The following CNPY1 variants were observed in gnomAD, a reference collection of about 807,000 sequenced individuals.
CNPY1 encodes the protein protein canopy homolog 1.
Under a neutral mutation model 14.4 loss-of-function variants are expected in CNPY1, and 14 were observed. The observed-to-expected ratio is 0.97, with a 90% CI of 0.64 to 1.52. CNPY1 has a LOEUF of 1.52. Among genes scored for constraint, CNPY1 ranks in the 40% most tolerant of loss-of-function variants. CNPY1 has a pLI of 0.00. For synonymous variants in CNPY1, 43 were observed against 46.5 expected (o/e 0.92, Z 0.31); for missense variants, 129 against 131.5 (o/e 0.98, Z 0.09).
intron 2 of CNPY1, among the ~76,000 whole-genome samples, chr7:155,540,015 T>G (rs1221505707): frequency 1.3e-5 from 2 of 152,184 alleles, no homozygotes; most frequent in African/African-American, 2.4e-5. Context: ...TGAGCTGCCC[T>G]CAGAAGAACA....
chr7:155,514,356 G>A lies in CNPY1; in HGVS notation c.100-5259C>T, dbSNP rs528057877. On this transcript the variant is annotated intron_variant, in intron 2 of 4. Coordinates refer to ENST00000636446, the MANE Select transcript of CNPY1 (RefSeq NM_001393663.1). ...TGAATTAATGATAATATAACCCTTT[G>A]TCATCGATTGTCGTCAACTGTTTCC... Among the ~76,000 whole-genome samples, 9 of 152,306 alleles carry A rather than the reference G, an allele frequency of 5.9e-5. No individual in the cohort carries two copies. The South Asian group carries it at 1.0e-3, about 18-fold the overall frequency.
intron 2 of CNPY1, among the ~76,000 whole-genome samples, chr7:155,542,224 G>C (rs1204860881): frequency 6.6e-6 from 1 of 152,032 alleles, no homozygotes; most frequent in Non-Finnish European, 1.5e-5. Flanking sequence ...AGGCAGGCAG[G>C]GAAGGCGGAG....
intron 2 of CNPY1, among the ~76,000 whole-genome samples, chr7:155,535,093 G>A (rs1052270798): frequency 1.2e-4 from 18 of 152,196 alleles, no homozygotes; most frequent in Non-Finnish European, 2.4e-4. Flanking sequence ...CAAAGGGCAC[G>A]GAGAAGGCTC....
At chr7:155,526,947 A>G (rs190732685) in intron 2 of CNPY1, among the ~76,000 whole-genome samples, 1 of 152,304 alleles carries the variant, frequency 6.6e-6, no homozygotes, top group Non-Finnish European at 1.5e-5. Flanking sequence ...GCAAAACACC[A>G]GAAACAATAT....
At position 155,534,367 on chromosome 7, in the gene CNPY1, G is replaced by GCA. The variant is rs571726656; in HGVS notation, c.99+11462_99+11463dup. Among the ~76,000 whole-genome samples, 1,221 of 147,754 alleles carry GCA rather than the reference G, an allele frequency of 8.3e-3. 14 individuals carry two copies. Among genetic ancestry groups the GCA allele is most frequent in the African/African-American group, 0.029 (1,156 of 40,458 alleles). On this transcript the variant is annotated intron_variant, in intron 2 of 4. Transcript: ENST00000636446. ...CACACATGCACACACGTGCACACAGGCACACACACGCATGCATAGACACAC... is the reference window on the plus strand; with the variant it reads ...CACACATGCACACACGTGCACACAGGCACACACACACGCATGCATAGACACAC...
At position 155,512,844 on chromosome 7, in the gene CNPY1, C is replaced by T. The variant is rs553071360; in HGVS notation, c.100-3747G>A. The stretch of plus-strand genomic sequence containing the variant: ...AACCAGTACTTAACCTGTTTAGTGA[C>T]TGATAATTAATTTCACATTGTAGCA... On this transcript the variant is annotated intron_variant, in intron 2 of 4. Coordinates refer to ENST00000636446, the MANE Select transcript of CNPY1 (RefSeq NM_001393663.1). Among the ~76,000 whole-genome samples the T allele has an allele frequency of 3.3e-5, 5 of 152,320 alleles. No individual in the cohort carries two copies. The South Asian group carries it at 1.0e-3, about 32-fold the overall frequency.
chr7:155,510,491 CCTT>C (rs1796504154), intron 2 of CNPY1: 1 of 152,276 alleles, frequency 6.6e-6, no homozygotes, highest in Admixed American at 6.5e-5. Context: ...TAACATCCCT[CCTT>C]CTCCCCCACG....
intron 2 of CNPY1, among the ~76,000 whole-genome samples, chr7:155,530,829 T>C (rs1332128564): frequency 6.6e-6 from 1 of 152,166 alleles, no homozygotes; most frequent in Non-Finnish European, 1.5e-5. Flanking sequence ...GTCCCTGGCC[T>C]CCACCCACTG....
chr7:155,534,760 C>T (rs1563096257), intron 2 of CNPY1, among the ~76,000 whole-genome samples: 1 of 152,212 alleles, frequency 6.6e-6, no homozygotes, highest in Non-Finnish European at 1.5e-5. Context: ...CGGTGAAGGC[C>T]ACAGTCAGGC....
chr7:155,512,137 T>A (rs1187844730), intron 2 of CNPY1, among the ~76,000 whole-genome samples: 1 of 152,156 alleles, frequency 6.6e-6, no homozygotes, highest in Non-Finnish European at 1.5e-5. Context: ...TTAGGGAGCC[T>A]TGCCTCTGCC....
At chr7:155,507,897 CA>C (rs1400386469) in intron 3 of CNPY1, among the ~76,000 whole-genome samples, 2 of 152,172 alleles carry the variant, frequency 1.3e-5, no homozygotes, top group African/African-American at 4.8e-5. Context: ...GTTCATTAAG[CA>C]AGACTCTAAA....
chr7:155,528,500 A>G (rs1325518992), intron 2 of CNPY1, among the ~76,000 whole-genome samples: 1 of 152,200 alleles, frequency 6.6e-6, no homozygotes, highest in Non-Finnish European at 1.5e-5. Flanking sequence ...TCACTTCTTC[A>G]TTCTAACTGG....
At chr7:155,505,882 G>A (rs912009779) in intron 4 of CNPY1, among the ~76,000 whole-genome samples, 6 of 152,042 alleles carry the variant, frequency 3.9e-5, no homozygotes, top group Non-Finnish European at 8.8e-5. Context: ...TGACTACGTC[G>A]TCTCACTGTA....
At chr7:155,515,107 C>G (rs1398016879) in intron 2 of CNPY1, among the ~76,000 whole-genome samples, 2 of 152,104 alleles carry the variant, frequency 1.3e-5, no homozygotes, top group African/African-American at 4.8e-5. Flanking sequence ...AAGGGGCCAG[C>G]TGGCTTCTGG....
intron 2 of CNPY1, among the ~76,000 whole-genome samples, chr7:155,538,993 C>G (rs1797054797): frequency 6.6e-6 from 1 of 152,148 alleles, no homozygotes; most frequent in Non-Finnish European, 1.5e-5. Context: ...AATCTGAGCC[C>G]CAAGGCTGCT....
At chr7:155,509,363 G>A (rs918269291) in intron 2 of CNPY1, among the ~76,000 whole-genome samples, 1 of 152,158 alleles carries the variant, frequency 6.6e-6, no homozygotes, top group African/African-American at 2.4e-5. Context: ...ATTCAAACTA[G>A]AAACTATACC....
rs56296833 is a variant in CNPY1 at position 155,527,054 on chromosome 7, C to CTTTCTTTCTTT, written c.100-17958_100-17957insAAAGAAAGAAA. On this transcript the variant is annotated intron_variant, in intron 2 of 4. Transcript: ENST00000636446. ...TTTTTCTTTCTTTCTTTCTTTCTTT[C>CTTTCTTTCTTT]TTTTTTTTTTTTTTTTTGAGACAGT... is the stretch of plus-strand genomic sequence containing the variant. Among the ~76,000 whole-genome samples, 200 of 90,350 alleles carry CTTTCTTTCTTT rather than the reference C, an allele frequency of 2.2e-3. 1 individual carries two copies. The highest frequency in any genetic ancestry group is 8.2e-3 in the African/African-American group (163 of 19,816). 59.3% of individuals were successfully genotyped at this position (90,350 alleles called of 152,430 possible).
In CNPY1 at chr7:155,536,325, G is replaced by A. The variant is rs182625386; in HGVS notation, c.99+9506C>T. Among the ~76,000 whole-genome samples, 5 of 152,210 alleles carry A rather than the reference G, an allele frequency of 3.3e-5. No homozygotes were observed. Among genetic ancestry groups the A allele is most frequent in the Admixed American group, 2.0e-4 (3 of 15,290 alleles). ...AGTACTGGGAGGTTAGAAAGCCTAC[G>A]GGCCGCTCTGTGCTTGAGACCTATA... On this transcript the variant is annotated intron_variant, in intron 2 of 4. Transcript: ENST00000636446. This position sits in a 1 kb window ranked among gnomAD's most constrained non-coding sequence, Gnocchi z 4.1.
chr7:155,522,131 C>T lies in CNPY1; in HGVS notation c.100-13034G>A, dbSNP rs1796737893. 2.0e-5 allele frequency among the ~76,000 whole-genome samples: 3 copies of T among 152,390 alleles called. No homozygotes were observed. The South Asian group carries it at 6.2e-4, about 32-fold the overall frequency. On this transcript the variant is annotated intron_variant, in intron 2 of 4. Transcript: ENST00000636446. ...CGTGGAGAGTCGGGCTGTGCTCACCCAGGCGCTGCATCTTCTACCTGTTGG... is the reference window on the plus strand; with the variant it reads ...CGTGGAGAGTCGGGCTGTGCTCACCTAGGCGCTGCATCTTCTACCTGTTGG...
Sources: allele counts gnomAD v4.1 joint callset (sites outside exome capture counted in the v4.1 genomes callset), GRCh38; gene constraint gnomAD v4.1.1; non-coding constraint Gnocchi (gnomAD v3.1); transcripts MANE v1.5; gene names NCBI Gene and HGNC (gene_info 2026-07-23, HGNC 2026-07-21).